Variants in KRAS observed in about 807,000 individuals in gnomAD.
KRAS encodes the protein GTPase KRas.
KRAS carries 1 observed loss-of-function variant against 21.0 expected under a neutral mutation model. That is an observed-to-expected ratio of 0.05 (90% CI 0.02 to 0.23). The LOEUF (loss-of-function observed/expected upper bound fraction) is 0.23. Ranked by LOEUF, KRAS falls within the 10% of genes least tolerant of loss-of-function variation. The probability of loss-of-function intolerance (pLI) is 1.00; values close to 1 mark genes in which losing one functional copy is unlikely to be tolerated. For synonymous variants in KRAS, 67 were observed against 72.5 expected (o/e 0.92, Z 0.39); for missense variants, 107 against 221.8 (o/e 0.48, Z 3.29).
chr12:25,215,629 G>A (rs1377269480), intron 4 of KRAS: 1 of 1,309,458 alleles, frequency 7.6e-7, no homozygotes, highest in Non-Finnish European at 1.1e-6. Flanking sequence ...GGAAAGCCAT[G>A]TGCAAGAAGT....
intron 2 of KRAS, chr12:25,234,757 C>A: frequency 5.2e-6 from 1 of 192,894 alleles, no homozygotes; most frequent in Admixed American, 6.1e-5. Flanking sequence ...GTCATTTTTC[C>A]ATTATAATTA....
intron 4 of KRAS, 62 bp downstream of exon 4, chr12:25,225,552 A>G (rs1049760601): frequency 3.4e-6 from 5 of 1,485,394 alleles, no homozygotes; most frequent in Non-Finnish European, 4.7e-6. Flanking sequence ...CTGATATATT[A>G]AATGACATAA....
chr12:25,227,560 A>T (rs1951409456), intron 2 of KRAS, 148 bp from the exon 3 acceptor site: 1 of 664,486 alleles, frequency 1.5e-6, no homozygotes, highest in African/African-American at 1.8e-5. Context: ...GATGACGGAC[A>T]AATGGCCACT....
chr12:25,213,225 G>A (rs542884015), intron 4 of KRAS, among the ~76,000 whole-genome samples: 1 of 152,132 alleles, frequency 6.6e-6, no homozygotes, highest in South Asian at 2.1e-4. Flanking sequence ...AACATAATTT[G>A]CACAAATTAG....
At chr12:25,235,948 G>A (rs1357433590) in intron 2 of KRAS, among the ~76,000 whole-genome samples, 2 of 152,132 alleles carry the variant, frequency 1.3e-5, no homozygotes, top group Admixed American at 6.5e-5. Flanking sequence ...TTCACAACAC[G>A]GTTCACGCTC....
At chr12:25,215,499 A>AT (rs1485419322) in intron 4 of KRAS, 1 of 1,611,864 alleles carries the variant, frequency 6.2e-7, no homozygotes, top group South Asian at 1.1e-5. Flanking sequence ...TTCTTTGCTG[A>AT]TTTTTTTCAA....
At position 25,206,358 on chromosome 12, in the gene KRAS, T is replaced by C. The variant is rs1592791331; in HGVS notation, c.*3437A>G. 4.8e-6 allele frequency: 1 copy of C among 207,132 alleles called. No individual in the cohort carries two copies. The highest frequency in any genetic ancestry group is 9.9e-6 in the Non-Finnish European group (1 of 101,500). The allele number at this position is 207,132 out of a possible 1,614,324, so 12.8% of individuals were successfully genotyped here. The stretch of plus-strand genomic sequence containing the variant: ...CGTCTGCTATATTCTTCCACAAACA[T>C]GTTAATGCCTAAGTCTATGTAATTT... On this transcript the variant is annotated 3_prime_UTR_variant, in exon 5 of 5. Transcript: ENST00000311936.
chr12:25,215,982 G>A (rs1264525517), intron 4 of KRAS, among the ~76,000 whole-genome samples: 4 of 152,122 alleles, frequency 2.6e-5, no homozygotes, highest in African/African-American at 4.8e-5. Flanking sequence ...TCCTCCAGGG[G>A]AGAATGAGAA....
At chr12:25,230,638 A>G (rs1951454825) in intron 2 of KRAS, among the ~76,000 whole-genome samples, 1 of 152,160 alleles carries the variant, frequency 6.6e-6, no homozygotes. Flanking sequence ...CAAAAAAGAC[A>G]TTTATCTCTT....
chr12:25,247,696 C>T (rs1002661699), intron 1 of KRAS, among the ~76,000 whole-genome samples: 1 of 152,156 alleles, frequency 6.6e-6, no homozygotes, highest in Non-Finnish European at 1.5e-5. Flanking sequence ...TTCATAATAA[C>T]ATTAAGATGT....
chr12:25,249,181 G>C (rs1246427898), intron 1 of KRAS, among the ~76,000 whole-genome samples: 1 of 152,158 alleles, frequency 6.6e-6, no homozygotes, highest in East Asian at 1.9e-4. Context: ...CAGATCACGA[G>C]GTCAGGAGTT....
chr12:25,246,104 G>T lies in KRAS; in HGVS notation c.-11-709C>A, dbSNP rs998596629. Among the ~76,000 whole-genome samples the T allele has an allele frequency of 2.7e-5, 4 of 146,774 alleles. No individual in the cohort carries two copies. In the South Asian group the frequency reaches 8.6e-4, roughly 31 times the overall value. Reference sequence around the variant, plus strand: ...TCCGAGGTTGCAATGAGCCGAGATGGCGCCACTGCACTCCAGCCTGGCGAT... The same window carrying T: ...TCCGAGGTTGCAATGAGCCGAGATGTCGCCACTGCACTCCAGCCTGGCGAT... On this transcript the variant is annotated intron_variant, in intron 1 of 4. Coordinates refer to ENST00000311936, the MANE Select transcript of KRAS (RefSeq NM_004985.5).
At chr12:25,246,346 C>T (rs934373397) in intron 1 of KRAS, among the ~76,000 whole-genome samples, 1 of 151,942 alleles carries the variant, frequency 6.6e-6, no homozygotes, top group Non-Finnish European at 1.5e-5. Flanking sequence ...TCACCTGAGG[C>T]CAGGAGTTCA....
intron 4 of KRAS, among the ~76,000 whole-genome samples, chr12:25,222,820 T>C (rs2141500597): frequency 6.6e-6 from 1 of 152,312 alleles, no homozygotes; most frequent in Middle Eastern, 3.4e-3. Flanking sequence ...AAGAATCAAT[T>C]AGTACTTCTG....
chr12:25,205,549 AT>A lies in KRAS; in HGVS notation c.*4245del, dbSNP rs1316016206. On this transcript the variant is annotated 3_prime_UTR_variant, in exon 5 of 5. Coordinates refer to ENST00000311936, the MANE Select transcript of KRAS (RefSeq NM_004985.5). The stretch of plus-strand genomic sequence containing the variant: ...TAGTTAAAATACATTCCAGGTAAAC[AT>A]GTTACATTAAGAAATAGTACTAGTA... 1 of 215,250 alleles carries A rather than the reference AT, an allele frequency of 4.6e-6. No individual in the cohort carries two copies. Among genetic ancestry groups the A allele is most frequent in the East Asian group, 7.0e-5 (1 of 14,342 alleles). 13.3% of individuals were successfully genotyped at this position (215,250 alleles called of 1,614,324 possible). A position where few individuals can be genotyped will look rare whatever the true frequency, so the allele number is the denominator to read the frequency against.
At position 25,250,874 on chromosome 12, in the gene KRAS, TCGCCGCCGCCACTGC is replaced by T. The variant is rs1157755968; in HGVS notation, c.-150_-136del. 9 of 242,694 alleles carry T rather than the reference TCGCCGCCGCCACTGC, an allele frequency of 3.7e-5. No individual in the cohort carries two copies. In the East Asian group the frequency reaches 4.0e-4, roughly 11 times the overall value. The allele number at this position is 242,694 out of a possible 1,614,324, so 15.0% of individuals were successfully genotyped here. On this transcript the variant is annotated 5_prime_UTR_variant, in exon 1 of 5. Coordinates refer to ENST00000311936, the MANE Select transcript of KRAS (RefSeq NM_004985.5). ...AGTACTGGCCGAGCCGCCGCCACCT[TCGCCGCCGCCACTGC>T]CGCCGCCGCTGCTGCCTCCGCCGCC...
chr12:25,209,851 T>C lies in KRAS; in HGVS notation c.511A>G (p.Ser171Gly). The C allele has an allele frequency of 1.2e-6, 2 of 1,611,048 alleles. No individual in the cohort carries two copies. The highest frequency in any genetic ancestry group is 8.5e-7 in the Non-Finnish European group (1 of 1,177,682). ...REIRKHKEKMSKDGKKKKKKS... is the reference protein window; with the variant it reads ...REIRKHKEKMGKDGKKKKKKS... Reference sequence around the variant, plus strand: ...TTTTTCTTCTTTTTACCATCTTTGCTCATCTTTTCTTTATGTTTTCGAATT... The same window carrying C: ...TTTTTCTTCTTTTTACCATCTTTGCCCATCTTTTCTTTATGTTTTCGAATT... Residue 171 changes from serine (S) to glycine (G), a missense_variant, in exon 5 of 5, where the codon AGC (serine) becomes GGC (glycine). Physicochemically the swap from Ser to Gly is moderately conservative, Grantham distance 56. Around this residue, in one of 2 missense-constraint regions of KRAS, gnomAD observed 65 missense variants for 82.3 expected, o/e 0.79. Transcript: ENST00000311936.
intron 1 of KRAS, among the ~76,000 whole-genome samples, chr12:25,247,533 G>A (rs1235843066): frequency 6.6e-6 from 1 of 152,136 alleles, no homozygotes; most frequent in African/African-American, 2.4e-5. Flanking sequence ...AGGAATAGAT[G>A]AGGAGAATTA....
At chr12:25,236,039 C>T (rs1951541336) in intron 2 of KRAS, among the ~76,000 whole-genome samples, 1 of 152,062 alleles carries the variant, frequency 6.6e-6, no homozygotes, top group African/African-American at 2.4e-5. Flanking sequence ...AGCCCAGTTC[C>T]TCACAGGCCA....
Sources: allele counts gnomAD v4.1 joint callset (sites outside exome capture counted in the v4.1 genomes callset), GRCh38; gene constraint gnomAD v4.1.1; regional missense constraint gnomAD v4.1.1; transcripts MANE v1.5; gene names NCBI Gene and HGNC (gene_info 2026-07-23, HGNC 2026-07-21).